Variants in HECW1 observed in about 807,000 individuals in gnomAD.
HECW1 encodes E3 ubiquitin-protein ligase HECW1.
A neutral mutation model predicts 182.3 loss-of-function variants in HECW1; 61 were observed. That is an observed-to-expected ratio of 0.33 (90% CI 0.27 to 0.41). The LOEUF (loss-of-function observed/expected upper bound fraction) is 0.41. Among genes scored for constraint, HECW1 ranks in the 10% least tolerant of loss-of-function variants. The pLI, the probability that HECW1 is intolerant of heterozygous loss-of-function variation, is 1.00. For missense variants in HECW1, 1,739 were observed against 2,108.9 expected (o/e 0.82, Z 3.44); for synonymous variants, 859 against 832.6 (o/e 1.03, Z -0.55).
chr7:43,388,925 C>T (rs1352887420), intron 6 of HECW1, among the ~76,000 whole-genome samples: 1 of 152,176 alleles, frequency 6.6e-6, no homozygotes, highest in East Asian at 1.9e-4. Flanking sequence ...GGGATGATGA[C>T]CCCTTCACAG....
chr7:43,445,460 C>T lies in HECW1; in HGVS notation c.2288C>T (p.Thr763Met). ...AGCCCTGAGCTGGACCCGGAGTCCA[C>T]GAACGGCGCTGGGCCGTGGCAAGAC... Reference protein sequence around the residue: ...MQSPELDPESTNGAGPWQDEL... With the variant: ...MQSPELDPESMNGAGPWQDEL... Residue 763 changes from threonine (T) to methionine (M), a missense_variant, in exon 11 of 30, where the codon ACG (threonine) becomes ATG (methionine). By Grantham distance (81) the Thr-to-Met change is moderately conservative. Transcript: ENST00000395891. The T allele has an allele frequency of 3.1e-6, 5 of 1,612,996 alleles. No individual in the cohort carries two copies. Among genetic ancestry groups the T allele is most frequent in the Non-Finnish European group, 4.2e-6 (5 of 1,179,844 alleles).
chr7:43,518,503 A>T (rs1309197247), intron 24 of HECW1, among the ~76,000 whole-genome samples: 1 of 152,180 alleles, frequency 6.6e-6, no homozygotes, highest in Non-Finnish European at 1.5e-5. Flanking sequence ...CTCAAAAAAA[A>T]AAAACGTATT....
In HECW1 at chr7:43,486,086, C is replaced by T. The variant is rs542939783; in HGVS notation, c.3235-5989C>T. The stretch of plus-strand genomic sequence containing the variant: ...ATGTGTTCTCATTGTTCAACTCCCA[C>T]TTATGAGTGAGAACATGAGGTGTTT... On this transcript the variant is annotated intron_variant, in intron 17 of 29. Coordinates refer to ENST00000395891, the MANE Select transcript of HECW1 (RefSeq NM_015052.5). Among the ~76,000 whole-genome samples, 11 of 152,162 alleles carry T rather than the reference C, an allele frequency of 7.2e-5. No individual in the cohort carries two copies. In the South Asian group the frequency reaches 1.2e-3, roughly 17 times the overall value.
intron 13 of HECW1, among the ~76,000 whole-genome samples, chr7:43,462,107 C>T (rs2077605673): frequency 2.0e-5 from 3 of 152,234 alleles, no homozygotes; most frequent in Admixed American, 1.3e-4. Flanking sequence ...GGAGCCTCAT[C>T]TGTGCAGCGA....
chr7:43,308,443 T>A (rs569006339), intron 3 of HECW1, among the ~76,000 whole-genome samples: 29 of 147,530 alleles, frequency 2.0e-4, no homozygotes, highest in Middle Eastern at 3.5e-3. Context: ...TTGTCAATTA[T>A]ACCTCAATAA....
At chr7:43,502,914 A>G (rs2079423794) in intron 21 of HECW1, among the ~76,000 whole-genome samples, 1 of 152,200 alleles carries the variant, frequency 6.6e-6, no homozygotes, top group Admixed American at 6.5e-5. Flanking sequence ...AAAATTCCCA[A>G]GAGAAACAGA....
chr7:43,519,179 C>G (rs573210214), intron 24 of HECW1, among the ~76,000 whole-genome samples: 2 of 152,218 alleles, frequency 1.3e-5, no homozygotes, highest in African/African-American at 4.8e-5. Context: ...GAGGTTTAAA[C>G]TTGCCCAATA....
intron 6 of HECW1, among the ~76,000 whole-genome samples, chr7:43,382,082 G>A (rs939752999): frequency 7.2e-5 from 11 of 152,222 alleles, no homozygotes; most frequent in Middle Eastern, 3.4e-3. Flanking sequence ...TCAGGAGAGC[G>A]AAACCATCCT....
intron 24 of HECW1, among the ~76,000 whole-genome samples, chr7:43,538,504 T>A (rs1258958108): frequency 6.6e-6 from 1 of 152,246 alleles, no homozygotes; most frequent in East Asian, 1.9e-4. Context: ...AGAGGGAGGT[T>A]AAATGCTTGC....
intron 3 of HECW1, among the ~76,000 whole-genome samples, chr7:43,291,778 T>G (rs1373142104): frequency 4.6e-5 from 7 of 152,184 alleles, no homozygotes; most frequent in Non-Finnish European, 1.0e-4. Context: ...ATAATGTATA[T>G]CTCATCTGTT....
chr7:43,124,646 A>C (rs951900758), intron 2 of HECW1, among the ~76,000 whole-genome samples: 2 of 152,176 alleles, frequency 1.3e-5, no homozygotes, highest in Non-Finnish European at 2.9e-5. Flanking sequence ...CTCAGGGTGC[A>C]GGCTGGTGGC....
intron 20 of HECW1, 130 bp downstream of exon 20, chr7:43,500,912 G>A (rs1397723882): frequency 5.1e-6 from 4 of 778,860 alleles, no homozygotes; most frequent in Non-Finnish European, 2.2e-6. Flanking sequence ...TAACTGCAAC[G>A]CAAGTGGGAC....
chr7:43,273,184 G>C (rs1269448330), intron 3 of HECW1, among the ~76,000 whole-genome samples: 5 of 152,116 alleles, frequency 3.3e-5, no homozygotes, highest in Non-Finnish European at 5.9e-5. Context: ...GGGATGGAGG[G>C]AGTGGGGCAA....
rs1400741031 is a variant in HECW1 at position 43,414,549 on chromosome 7, T to C, written c.801+6818T>C. Among the ~76,000 whole-genome samples the C allele has an allele frequency of 1.8e-4, 27 of 151,278 alleles. No homozygotes were observed. The South Asian group carries it at 5.2e-3, about 29-fold the overall frequency. ...GTCTTGTGCCAGTTTTCAAAGGGAA[T>C]GCTTCCAGTTTTTGCCCATTCAGTA... On this transcript the variant is annotated intron_variant, in intron 8 of 29. Coordinates refer to ENST00000395891, the MANE Select transcript of HECW1 (RefSeq NM_015052.5).
chr7:43,434,325 G>A (rs1433791705), intron 8 of HECW1, among the ~76,000 whole-genome samples: 1 of 152,260 alleles, frequency 6.6e-6, no homozygotes, highest in Non-Finnish European at 1.5e-5. Context: ...GTGGGGTCTG[G>A]ATAGAATAGG....
chr7:43,253,937 A>G (rs1294611348), intron 3 of HECW1, among the ~76,000 whole-genome samples: 1 of 152,138 alleles, frequency 6.6e-6, no homozygotes, highest in Non-Finnish European at 1.5e-5. Flanking sequence ...ATATGCAGAG[A>G]TATCACATGA....
chr7:43,148,400 C>T (rs892613696), intron 2 of HECW1, among the ~76,000 whole-genome samples: 4 of 151,882 alleles, frequency 2.6e-5, no homozygotes, highest in Admixed American at 2.0e-4. Context: ...GCTGCAGTCC[C>T]TCCTGGAAGA....
chr7:43,435,045 T>C (rs187690108), intron 8 of HECW1, among the ~76,000 whole-genome samples: 90 of 152,154 alleles, frequency 5.9e-4, no homozygotes, highest in African/African-American at 2.1e-3. Flanking sequence ...ATTCATATTA[T>C]TGTGATCATG....
chr7:43,386,785 G>A (rs2074817490), intron 6 of HECW1, among the ~76,000 whole-genome samples: 1 of 152,094 alleles, frequency 6.6e-6, no homozygotes, highest in African/African-American at 2.4e-5. Context: ...CCTCATTTGG[G>A]CCAGCTGAAG....
Sources: gnomAD v4.1 joint callset for allele counts (sites outside exome capture counted in the v4.1 genomes callset) on GRCh38, gnomAD v4.1.1 for gene constraint, MANE v1.5 for transcripts, NCBI Gene and HGNC (gene_info 2026-07-23, HGNC 2026-07-21) for gene names.